ST6GALNAC3: variants seen among roughly 807,000 people sequenced by gnomAD.
The protein encoded by ST6GALNAC3 is alpha-N-acetylgalactosaminide alpha-2,6-sialyltransferase 3.
Under a neutral mutation model 32.7 loss-of-function variants are expected in ST6GALNAC3, and 25 were observed. The ratio of observed to expected loss-of-function variants is 0.76; its 90% confidence interval spans 0.56 to 1.07. ST6GALNAC3 has a LOEUF of 1.07. Ranked by LOEUF, ST6GALNAC3 falls within the 50% of genes least tolerant of loss-of-function variation. The probability of loss-of-function intolerance (pLI) is 0.00; values close to 1 mark genes in which losing one functional copy is unlikely to be tolerated. For synonymous variants in ST6GALNAC3, 129 were observed against 133.1 expected (o/e 0.97, Z 0.21); for missense variants, 355 against 382.4 (o/e 0.93, Z 0.60).
At chr1:76,524,420 G>C (rs72678085) in intron 3 of ST6GALNAC3, among the ~76,000 whole-genome samples, 2,483 of 152,158 alleles carry the variant, frequency 0.016, 30 homozygotes, top group Non-Finnish European at 0.026. Context: ...TTTCTTAAAG[G>C]TAAAGACTAT....
intron 2 of ST6GALNAC3, among the ~76,000 whole-genome samples, chr1:76,371,525 A>C (rs1650816622): frequency 6.6e-6 from 1 of 152,214 alleles, no homozygotes; most frequent in Admixed American, 6.5e-5. Flanking sequence ...GGTTCAGTTT[A>C]GAGGAAGCCT....
At chr1:76,330,758 A>T (rs372230032) in intron 2 of ST6GALNAC3, among the ~76,000 whole-genome samples, 1 of 152,334 alleles carries the variant, frequency 6.6e-6, no homozygotes, top group East Asian at 1.9e-4. Flanking sequence ...AAGGTCAGAT[A>T]ACTACAGGAG....
intron 1 of ST6GALNAC3, among the ~76,000 whole-genome samples, chr1:76,248,174 G>A (rs990817160): frequency 6.6e-6 from 1 of 152,106 alleles, no homozygotes; most frequent in Admixed American, 6.6e-5. Flanking sequence ...GATGAACTGG[G>A]TACCTCAACT....
intron 1 of ST6GALNAC3, among the ~76,000 whole-genome samples, chr1:76,091,021 G>A (rs1258322060): frequency 2.0e-5 from 3 of 152,104 alleles, no homozygotes; most frequent in South Asian, 2.1e-4. Context: ...TGCGCAGGCC[G>A]AATGTTTATC....
rs192825995 is a variant in ST6GALNAC3 at position 76,175,146 on chromosome 1, G to A, written c.18+100262G>A. Among the ~76,000 whole-genome samples the A allele has an allele frequency of 5.3e-3, 799 of 151,684 alleles. 2 individuals carry two copies. Among genetic ancestry groups the A allele is most frequent in the Admixed American group, 7.2e-3 (110 of 15,226 alleles). ...TTCCACGTCTTTGATTACATCCTTT[G>A]TATAGCTCTTAGTAGTGTTTTTGCT... On this transcript the variant is annotated intron_variant, in intron 1 of 4. Transcript: ENST00000328299.
chr1:76,089,131 C>G (rs1305205031), intron 1 of ST6GALNAC3, among the ~76,000 whole-genome samples: 84 of 152,292 alleles, frequency 5.5e-4, no homozygotes, highest in Non-Finnish European at 2.5e-4. Context: ...CGGGTTCACA[C>G]CATTCTCCTG....
At chr1:76,294,013 C>A (rs1660246617) in intron 1 of ST6GALNAC3, among the ~76,000 whole-genome samples, 1 of 152,138 alleles carries the variant, frequency 6.6e-6, no homozygotes, top group African/African-American at 2.4e-5. Context: ...AGCATGTAGA[C>A]TTCCTTTGCA....
rs374714820 is a variant in ST6GALNAC3 at position 76,096,094 on chromosome 1, C to T, written c.18+21210C>T. ...GGCCTGGTTACCTAGGCAACGTTTA[C>T]CTGTGCTGATGACAAAGGGCCTGTC... On this transcript the variant is annotated intron_variant, in intron 1 of 4. Transcript: ENST00000328299. Among the ~76,000 whole-genome samples the T allele has an allele frequency of 1.2e-4, 18 of 152,268 alleles. 1 individual carries two copies. Among genetic ancestry groups the T allele is most frequent in the East Asian group, 5.8e-4 (3 of 5,180 alleles).
At chr1:76,426,025 A>G (rs1160606785) in intron 3 of ST6GALNAC3, among the ~76,000 whole-genome samples, 1 of 151,932 alleles carries the variant, frequency 6.6e-6, no homozygotes, top group East Asian at 1.9e-4. Flanking sequence ...CATATATTCT[A>G]TAACTCAGGA....
rs527242268 is a variant in ST6GALNAC3, at chr1:76,216,420, C to G, written c.19-97385C>G. Among the ~76,000 whole-genome samples the G allele has an allele frequency of 4.6e-5, 7 of 152,338 alleles. No individual in the cohort carries two copies. In the South Asian group the frequency reaches 1.4e-3, roughly 32 times the overall value. On this transcript the variant is annotated intron_variant, in intron 1 of 4. Transcript: ENST00000328299. ...GTATAGTGCCAGGCTTTCAGAAATG[C>G]TCAAGCAATAATTTGTTGTTGAATA...
At chr1:76,163,081 C>A (rs1651911446) in intron 1 of ST6GALNAC3, among the ~76,000 whole-genome samples, 1 of 152,200 alleles carries the variant, frequency 6.6e-6, no homozygotes, top group Non-Finnish European at 1.5e-5. Flanking sequence ...CCTAAAGCAG[C>A]TTGAGTGCCT....
At chr1:76,111,896 C>G (rs1461763134) in intron 1 of ST6GALNAC3, among the ~76,000 whole-genome samples, 1 of 152,208 alleles carries the variant, frequency 6.6e-6, no homozygotes, top group African/African-American at 2.4e-5. Flanking sequence ...CCTTTCCCCC[C>G]TTTCTATTCC....
At chr1:76,532,869 G>T (rs948296948) in intron 3 of ST6GALNAC3, among the ~76,000 whole-genome samples, 1 of 47,928 alleles carries the variant, frequency 2.1e-5, no homozygotes, top group African/African-American at 4.4e-5. Flanking sequence ...GATGAATAAT[G>T]CTTTTTTTAA....
chr1:76,434,438 T>C (rs1056764881), intron 3 of ST6GALNAC3, among the ~76,000 whole-genome samples: 2 of 152,188 alleles, frequency 1.3e-5, no homozygotes, highest in Non-Finnish European at 2.9e-5. Context: ...CAGCATTTTA[T>C]TTATTTGTGC....
intron 2 of ST6GALNAC3, among the ~76,000 whole-genome samples, chr1:76,376,335 G>T (rs1651227689): frequency 6.6e-6 from 1 of 152,068 alleles, no homozygotes; most frequent in Admixed American, 6.6e-5. Context: ...GCATGTGTGT[G>T]CATGTTTAAT....
At chr1:76,095,739 A>G (rs1647120336) in intron 1 of ST6GALNAC3, among the ~76,000 whole-genome samples, 1 of 152,168 alleles carries the variant, frequency 6.6e-6, no homozygotes, top group Non-Finnish European at 1.5e-5. Context: ...TTGAGTGTCA[A>G]AAGACTGGGG....
In ST6GALNAC3 at chr1:76,378,174, G is replaced by T. The variant is rs143419721; in HGVS notation, c.214-33834G>T. Reference sequence around the variant, plus strand: ...ATGGAGTACAAAGAGTGAAAAAAAGGTTGGATATGGATTTTTAGACTCTTA... The same window carrying T: ...ATGGAGTACAAAGAGTGAAAAAAAGTTTGGATATGGATTTTTAGACTCTTA... On this transcript the variant is annotated intron_variant, in intron 2 of 4. Transcript: ENST00000328299. 5.2e-3 allele frequency among the ~76,000 whole-genome samples: 794 copies of T among 152,238 alleles called. 7 individuals carry two copies. The highest frequency in any genetic ancestry group is 0.018 in the African/African-American group (751 of 41,526).
chr1:76,453,224 T>A (rs946736743), intron 3 of ST6GALNAC3, among the ~76,000 whole-genome samples: 1 of 152,120 alleles, frequency 6.6e-6, no homozygotes, highest in Admixed American at 6.6e-5. Flanking sequence ...TCTTTTCAAA[T>A]AACCAGGTTT....
In ST6GALNAC3 at chr1:76,089,187, C is replaced by T. The variant is rs571749530; in HGVS notation, c.18+14303C>T. Among the ~76,000 whole-genome samples, 8 of 152,202 alleles carry T rather than the reference C, an allele frequency of 5.3e-5. No homozygotes were observed. In the South Asian group the frequency reaches 1.7e-3, roughly 32 times the overall value. On this transcript the variant is annotated intron_variant, in intron 1 of 4. Coordinates refer to ENST00000328299, the MANE Select transcript of ST6GALNAC3 (RefSeq NM_152996.4). ...GGGACTACAGGCACCTGCCACTACG[C>T]CCGGCTAATTTTATTTTATTTTATT... is the stretch of plus-strand genomic sequence containing the variant.
Sources: gnomAD v4.1 joint callset for allele counts (sites outside exome capture counted in the v4.1 genomes callset) on GRCh38, gnomAD v4.1.1 for gene constraint, MANE v1.5 for transcripts, NCBI Gene and HGNC (gene_info 2026-07-23, HGNC 2026-07-21) for gene names.